SMN1: variants seen among roughly 807,000 people sequenced by gnomAD.
SMN1 encodes the protein survival of motor neuron 1, telomeric.
For missense variants in SMN1, 15 were observed against 17.1 expected, an observed-to-expected ratio of 0.88 and a Z score of 0.22; for synonymous variants, 3 against 5.1, an observed-to-expected ratio of 0.58 and a Z score of 0.56.
intron 7 of SMN1, among the ~76,000 whole-genome samples, chr5:70,951,013 TC>T (rs1277454100): frequency 1.3e-5 from 2 of 151,896 alleles, no homozygotes; most frequent in African/African-American, 2.4e-5. Context: ...CCTCAGGTGA[TC>T]CGCCCGCCTT....
At chr5:70,950,919 G>T (rs1372309035) in intron 7 of SMN1, among the ~76,000 whole-genome samples, 1 of 150,956 alleles carries the variant, frequency 6.6e-6, no homozygotes, top group African/African-American at 2.4e-5. Flanking sequence ...GATTATAGGC[G>T]TGAGCCACTG....
At chr5:70,927,852 C>T (rs1314499742) in intron 1 of SMN1, among the ~76,000 whole-genome samples, 1 of 1,364 alleles carries the variant, frequency 7.3e-4, no homozygotes, top group African/African-American at 7.1e-3. Flanking sequence ...CCCAGCTACT[C>T]GGGAGGCTGA....
At chr5:70,959,082 AATG>A in the SMN1 span, among the ~76,000 whole-genome samples, 5 of 150,658 alleles carry the variant, frequency 3.3e-5, no homozygotes, top group African/African-American at 7.3e-5. Flanking sequence ...AACCATAAGA[AATG>A]ATGAGTTCAT....
chr5:70,958,830 T>C (rs534338174), downstream of SMN1, among the ~76,000 whole-genome samples: 143 of 150,494 alleles, frequency 9.5e-4, 5 homozygotes, highest in African/African-American at 3.0e-3. Flanking sequence ...GGTTCAACCA[T>C]TGTGGAAGTC....
At chr5:70,956,769 T>G (rs1749915789), downstream of SMN1, among the ~76,000 whole-genome samples, 2 of 150,128 alleles carry the variant, frequency 1.3e-5, no homozygotes, top group South Asian at 4.3e-4. Context: ...AGCTTTGTTC[T>G]TTTGGCTTAG....
chr5:70,955,776 G>A (rs1749891068), downstream of SMN1, among the ~76,000 whole-genome samples: 1 of 146,784 alleles, frequency 6.8e-6, no homozygotes, highest in Admixed American at 6.8e-5. Flanking sequence ...CTCAGTGACT[G>A]TCTCAAAAAG....
chr5:70,945,571 C>CTGTGTGTG lies in SMN1; in HGVS notation c.724-473_724-466dup, dbSNP rs551335741. On this transcript the variant is annotated intron_variant, in intron 6 of 8. Coordinates refer to ENST00000380707, the MANE Select transcript of SMN1 (RefSeq NM_000344.4). ...AATCGCCCTCGAAATGCTATGTGAG[C>CTGTGTGTG]TGTGTGTGTGTGTGTGTGTGTGTGT... Among the ~76,000 whole-genome samples the CTGTGTGTG allele has an allele frequency of 1.4e-4, 15 of 105,620 alleles. 5 individuals are homozygous for CTGTGTGTG. Among genetic ancestry groups the CTGTGTGTG allele is most frequent in the African/African-American group, 6.3e-4 (14 of 22,116 alleles). The allele number at this position is 105,620 out of a possible 152,430, so 69.3% of individuals were successfully genotyped here. A position where few individuals can be genotyped will look rare whatever the true frequency, so the allele number is the denominator to read the frequency against.
chr5:70,951,826 T>C, intron 7 of SMN1, 115 bp from the exon 8 acceptor site: 1 of 656,906 alleles, frequency 1.5e-6, no homozygotes. Context: ...TTGAATAAAA[T>C]AAGTAAAATG....
intron 7 of SMN1, among the ~76,000 whole-genome samples, chr5:70,950,358 G>A (rs780270358): frequency 4.1e-5 from 6 of 147,724 alleles, no homozygotes; most frequent in Non-Finnish European, 7.5e-5. Flanking sequence ...CGGAGGTTGC[G>A]GTGAGCCAAG....
chr5:70,945,650 A>C (rs1749541704), intron 6 of SMN1, among the ~76,000 whole-genome samples: 1 of 77,254 alleles, frequency 1.3e-5, no homozygotes, highest in Non-Finnish European at 2.4e-5. Context: ...TTTTTTACTC[A>C]TAGCTTCATA....
At chr5:70,960,798 C>T in the SMN1 span, among the ~76,000 whole-genome samples, 1 of 148,778 alleles carries the variant, frequency 6.7e-6, no homozygotes, top group Admixed American at 6.8e-5. Flanking sequence ...CGGGTTCAAA[C>T]GATTCTCCTG....
downstream of SMN1, among the ~76,000 whole-genome samples, chr5:70,955,369 G>C (rs1580897773): frequency 6.9e-6 from 1 of 144,354 alleles, no homozygotes; most frequent in East Asian, 2.1e-4. Flanking sequence ...GGCTCCCAAA[G>C]TGCTAGGATT....
chr5:70,951,937 A>C lies in SMN1; in HGVS notation c.835-4A>C. ...TTTTTTAACTTCCTTTATTTTCCTTACAGGGTTTCAGACAAAATCAAAAAG... is the reference window on the plus strand; with the variant it reads ...TTTTTTAACTTCCTTTATTTTCCTTCCAGGGTTTCAGACAAAATCAAAAAG... On this transcript the variant is annotated splice_region_variant and splice_polypyrimidine_tract_variant and intron_variant, in intron 7 of 8. Coordinates refer to ENST00000380707, the MANE Select transcript of SMN1 (RefSeq NM_000344.4). The C allele has an allele frequency of 6.2e-7, 1 of 1,612,608 alleles. No individual in the cohort carries two copies. Among genetic ancestry groups the C allele is most frequent in the Non-Finnish European group, 8.5e-7 (1 of 1,179,006 alleles).
At chr5:70,951,858 T>C (rs1656928140) in intron 7 of SMN1, 83 bp from the exon 8 acceptor site, 21 of 1,072,092 alleles carry the variant, frequency 2.0e-5, no homozygotes, top group Non-Finnish European at 2.8e-5. Context: ...AAAATGCTTT[T>C]TAACATCCAT....
chr5:70,951,503 G>C (rs1276014150), intron 7 of SMN1, among the ~76,000 whole-genome samples: 5 of 151,310 alleles, frequency 3.3e-5, no homozygotes, highest in East Asian at 1.9e-4. Flanking sequence ...TCGAACTCCT[G>C]AGCTCAGGTG....
chr5:70,963,878 CTTTTTTTTTTTTTTT>C, the SMN1 span, among the ~76,000 whole-genome samples: 1 of 69,296 alleles, frequency 1.4e-5, no homozygotes, highest in East Asian at 3.6e-4. Context: ...AAGTTTCAAA[CTTTTTTTTTTTTTTT>C]TTTTTTTTTG....
downstream of SMN1, among the ~76,000 whole-genome samples, chr5:70,956,471 T>G (rs1480275691): frequency 7.1e-6 from 1 of 141,072 alleles, no homozygotes; most frequent in Non-Finnish European, 1.6e-5. Context: ...AAGTCTTTAA[T>G]CCATCTTGAA....
At chr5:70,957,605 A>G (rs1404628861), downstream of SMN1, among the ~76,000 whole-genome samples, 1 of 140,094 alleles carries the variant, frequency 7.1e-6, no homozygotes, top group Non-Finnish European at 1.6e-5. Flanking sequence ...TTCTGTTTAT[A>G]TGCTGGATTA....
chr5:70,950,095 G>T (rs1749639291), intron 7 of SMN1, among the ~76,000 whole-genome samples: 1 of 146,416 alleles, frequency 6.8e-6, no homozygotes, highest in Non-Finnish European at 1.5e-5. Context: ...GGTATAAGCG[G>T]GCTCAGGAAC....
Sources: allele counts gnomAD v4.1 joint callset (sites outside exome capture counted in the v4.1 genomes callset), GRCh38; gene constraint gnomAD v4.1.1; transcripts MANE v1.5; gene names NCBI Gene and HGNC (gene_info 2026-07-23, HGNC 2026-07-21).